PUS7: variants seen among roughly 807,000 people sequenced by gnomAD.
The protein encoded by PUS7 is pseudouridine synthase 7, also known as pseudouridylate synthase 7 homolog.
In PUS7, 48 loss-of-function variants were observed where a neutral mutation model predicts 79.8. The ratio of observed to expected loss-of-function variants is 0.60; its 90% CI spans 0.48 to 0.76. The LOEUF is 0.76. Ranked by LOEUF, PUS7 falls within the 30% of genes least tolerant of loss-of-function variation. PUS7 has a pLI of 0.00. For missense variants in PUS7, 729 were observed against 797.6 expected (o/e 0.91, Z 1.04); for synonymous variants, 286 against 272.2 (o/e 1.05, Z -0.50).
intron 9 of PUS7, among the ~76,000 whole-genome samples, chr7:105,478,580 T>C (rs1824197522): frequency 6.6e-6 from 1 of 152,220 alleles, no homozygotes; most frequent in African/African-American, 2.4e-5. Context: ...CATCTTTTTG[T>C]GTGCTTATTG....
chr7:105,463,736 T>C (rs1188999435), intron 13 of PUS7, among the ~76,000 whole-genome samples: 2 of 152,092 alleles, frequency 1.3e-5, no homozygotes, highest in Non-Finnish European at 2.9e-5. Context: ...ATTCAGTAAC[T>C]AATATAAGAC....
chr7:105,460,809 G>C (rs866902875), intron 14 of PUS7, among the ~76,000 whole-genome samples: 2 of 138,584 alleles, frequency 1.4e-5, no homozygotes, highest in African/African-American at 2.7e-5. Flanking sequence ...AGCCGAGATC[G>C]CGCCACTGCA....
In PUS7 at chr7:105,457,607, G is replaced by T. The variant is rs1215435542; in HGVS notation, c.*183C>A. ...TCTGAGCTAAAATTAAGAACCTCAG[G>T]ATTTGTGTACATGTACAAATATTGC... On this transcript the variant is annotated 3_prime_UTR_variant, in exon 16 of 16. Coordinates refer to ENST00000469408, the MANE Select transcript of PUS7 (RefSeq NM_019042.5). 12 of 473,172 alleles carry T rather than the reference G, an allele frequency of 2.5e-5. No homozygotes were observed. Among genetic ancestry groups the T allele is most frequent in the Non-Finnish European group, 3.8e-5 (11 of 286,108 alleles). 29.3% of individuals were successfully genotyped at this position (473,172 alleles called of 1,614,324 possible). A position where few individuals can be genotyped will look rare whatever the true frequency, so the allele number is the denominator to read the frequency against.
chr7:105,495,814 G>A (rs1401411276), intron 5 of PUS7, among the ~76,000 whole-genome samples: 1 of 152,060 alleles, frequency 6.6e-6, no homozygotes, highest in African/African-American at 2.4e-5. Flanking sequence ...CAGGTTAAAT[G>A]TTAACTTCTG....
intron 11 of PUS7, among the ~76,000 whole-genome samples, chr7:105,469,604 C>T (rs1254846432): frequency 2.0e-5 from 3 of 152,184 alleles, no homozygotes; most frequent in African/African-American, 4.8e-5. Context: ...GGATTACAGG[C>T]GTCTGCCACC....
intron 12 of PUS7, among the ~76,000 whole-genome samples, chr7:105,468,086 C>T (rs901088845): frequency 1.3e-5 from 2 of 152,090 alleles, no homozygotes; most frequent in Non-Finnish European, 2.9e-5. Context: ...GCATGCACCA[C>T]CACACCCAGC....
At chr7:105,498,743 C>G (rs1562810867) in intron 5 of PUS7, among the ~76,000 whole-genome samples, 1 of 152,106 alleles carries the variant, frequency 6.6e-6, no homozygotes, top group Non-Finnish European at 1.5e-5. Flanking sequence ...TTATTTGCCT[C>G]CCTGAATTTT....
At chr7:105,489,712 C>T (rs1824705551) in intron 7 of PUS7, among the ~76,000 whole-genome samples, 2 of 152,102 alleles carry the variant, frequency 1.3e-5, no homozygotes, top group African/African-American at 4.8e-5. Flanking sequence ...TCAACAACTA[C>T]ATTATTTCAG....
intron 14 of PUS7, among the ~76,000 whole-genome samples, chr7:105,460,553 G>A (rs1823378500): frequency 1.3e-5 from 2 of 152,058 alleles, no homozygotes; most frequent in African/African-American, 4.8e-5. Flanking sequence ...ATAATACTGA[G>A]TATTAAAATT....
At chr7:105,463,281 C>T (rs1283634738) in intron 13 of PUS7, among the ~76,000 whole-genome samples, 9 of 152,174 alleles carry the variant, frequency 5.9e-5, no homozygotes, top group Non-Finnish European at 1.5e-5. Flanking sequence ...GTGAGGCATG[C>T]AATTATTAGA....
intron 9 of PUS7, among the ~76,000 whole-genome samples, chr7:105,479,334 T>C (rs1824226004): frequency 6.6e-6 from 1 of 152,220 alleles, no homozygotes; most frequent in South Asian, 2.1e-4. Flanking sequence ...GTTTAGATGC[T>C]GAAACAATGG....
intron 14 of PUS7, among the ~76,000 whole-genome samples, chr7:105,460,041 C>T (rs564029633): frequency 2.0e-5 from 3 of 152,164 alleles, no homozygotes; most frequent in African/African-American, 7.2e-5. Context: ...CGGGTTCACA[C>T]CATTCTCCTG....
intron 7 of PUS7, among the ~76,000 whole-genome samples, chr7:105,488,853 T>C (rs571332088): frequency 2.0e-5 from 3 of 152,168 alleles, no homozygotes; most frequent in African/African-American, 7.2e-5. Context: ...TCTTTCTGTG[T>C]TGAAAACAAA....
chr7:105,515,096 C>T (rs1825846043), intron 1 of PUS7, among the ~76,000 whole-genome samples: 1 of 152,112 alleles, frequency 6.6e-6, no homozygotes, highest in Non-Finnish European at 1.5e-5. Context: ...GCCTGGCCTA[C>T]AATGACTAAA....
chr7:105,489,410 A>C (rs1019036329), intron 7 of PUS7, among the ~76,000 whole-genome samples: 3 of 151,996 alleles, frequency 2.0e-5, no homozygotes, highest in Non-Finnish European at 2.9e-5. Context: ...CATTACCCAC[A>C]AAGGTTATTT....
In PUS7 at chr7:105,479,928, G is replaced by A. The variant is rs187915816; in HGVS notation, c.1175+1124C>T. Among the ~76,000 whole-genome samples, 5 of 152,244 alleles carry A rather than the reference G, an allele frequency of 3.3e-5. No individual in the cohort carries two copies. In the East Asian group the frequency reaches 7.7e-4, roughly 24 times the overall value. ...CAGGAGAATCACTTGAACCTGGGAG[G>A]TGGAGGTTGCAGTGAGCGGAGATGG... is the stretch of plus-strand genomic sequence containing the variant. On this transcript the variant is annotated intron_variant, in intron 9 of 15. Coordinates refer to ENST00000469408, the MANE Select transcript of PUS7 (RefSeq NM_019042.5).
intron 5 of PUS7, among the ~76,000 whole-genome samples, chr7:105,498,157 A>G (rs1825110586): frequency 6.6e-6 from 1 of 152,242 alleles, no homozygotes; most frequent in Non-Finnish European, 1.5e-5. Flanking sequence ...TCTCCTTTGC[A>G]AACAACAGAT....
intron 4 of PUS7, among the ~76,000 whole-genome samples, chr7:105,504,109 G>A (rs535296636): frequency 3.0e-5 from 4 of 133,758 alleles, no homozygotes; most frequent in East Asian, 2.2e-4. Context: ...CACTCTTGTT[G>A]CCCAGGCTGG....
intron 1 of PUS7, 36 bp from the exon 2 acceptor site, chr7:105,508,580 A>G: frequency 8.4e-6 from 13 of 1,547,872 alleles, no homozygotes; most frequent in Non-Finnish European, 1.1e-5. Flanking sequence ...AATCACCTAT[A>G]TAAAAGCTGG....
Sources: gnomAD v4.1 joint callset for allele counts (sites outside exome capture counted in the v4.1 genomes callset) on GRCh38, gnomAD v4.1.1 for gene constraint, MANE v1.5 for transcripts, NCBI Gene and HGNC (gene_info 2026-07-23, HGNC 2026-07-21) for gene names.